Variants in ZMYND11 observed in about 807,000 individuals in gnomAD.
ZMYND11 encodes zinc finger MYND domain-containing protein 11.
In ZMYND11, 9 loss-of-function variants were observed where a neutral mutation model predicts 84.9. That is an observed-to-expected ratio of 0.11 (90% CI 0.06 to 0.18). The LOEUF is 0.18. Among genes scored for constraint, ZMYND11 ranks in the 10% least tolerant of loss-of-function variants. The pLI, the probability that ZMYND11 is intolerant of heterozygous loss-of-function variation, is 1.00. For synonymous variants in ZMYND11, 250 were observed against 244.1 expected, an observed-to-expected ratio of 1.02 and a Z score of -0.23; for missense variants, 409 against 761.0, an observed-to-expected ratio of 0.54 and a Z score of 5.44.
At chr10:187,884 G>A (rs950970604) in intron 2 of ZMYND11, among the ~76,000 whole-genome samples, 1 of 152,224 alleles carries the variant, frequency 6.6e-6, no homozygotes, top group South Asian at 2.1e-4. Flanking sequence ...TGGCCTATCA[G>A]CGAAAACATT....
At chr10:197,324 A>G (rs1312412511) in intron 2 of ZMYND11, among the ~76,000 whole-genome samples, 1 of 152,272 alleles carries the variant, frequency 6.6e-6, no homozygotes, top group African/African-American at 2.4e-5. Flanking sequence ...ATACATACAC[A>G]TGGTATATTT....
chr10:208,786 A>G (rs1944649433), intron 2 of ZMYND11, among the ~76,000 whole-genome samples: 1 of 152,182 alleles, frequency 6.6e-6, no homozygotes, highest in African/African-American at 2.4e-5. Context: ...TGGAGAAGGA[A>G]GAAGGTGGGA....
chr10:182,866 G>A (rs1848170087), intron 2 of ZMYND11, among the ~76,000 whole-genome samples: 1 of 152,122 alleles, frequency 6.6e-6, no homozygotes, highest in East Asian at 1.9e-4. Context: ...ACTCTCGGTA[G>A]GTAAATACTT....
chr10:245,399 A>G (rs1301639650), intron 10 of ZMYND11, among the ~76,000 whole-genome samples: 1 of 152,188 alleles, frequency 6.6e-6, no homozygotes, highest in Non-Finnish European at 1.5e-5. Flanking sequence ...ATTCCCTAAG[A>G]GATTCCTTCC....
chr10:138,778 T>A (rs1836763576), intron 1 of ZMYND11, among the ~76,000 whole-genome samples: 1 of 151,838 alleles, frequency 6.6e-6, no homozygotes, highest in African/African-American at 2.4e-5. Context: ...GAAAATAGAC[T>A]TAGCCTTATG....
chr10:144,866 A>G (rs1427346675), intron 1 of ZMYND11, among the ~76,000 whole-genome samples: 1 of 150,438 alleles, frequency 6.6e-6, no homozygotes, highest in African/African-American at 2.4e-5. Context: ...TGTACATTGT[A>G]CCCAATATTT....
intron 1 of ZMYND11, among the ~76,000 whole-genome samples, chr10:168,175 T>A (rs1844458675): frequency 6.6e-6 from 1 of 152,122 alleles, no homozygotes. Context: ...ATGCAATAAT[T>A]GTATAGGAAT....
chr10:245,561 ACT>A (rs1951953736), intron 10 of ZMYND11, among the ~76,000 whole-genome samples: 2 of 152,134 alleles, frequency 1.3e-5, no homozygotes, highest in African/African-American at 2.4e-5. Flanking sequence ...CGCAACTTGT[ACT>A]CTACCGTAGA....
chr10:197,986 T>A, intron 2 of ZMYND11: 1 of 646,846 alleles, frequency 1.5e-6, no homozygotes, highest in Non-Finnish European at 2.8e-6. Flanking sequence ...TTTCATTAGT[T>A]GTATCATTGT....
At chr10:137,964 C>T (rs577678954) in intron 1 of ZMYND11, among the ~76,000 whole-genome samples, 1 of 152,208 alleles carries the variant, frequency 6.6e-6, no homozygotes, top group South Asian at 2.1e-4. Flanking sequence ...TTTACAGTCT[C>T]TAAATTGGAC....
At chr10:188,889 G>C (rs1018487524) in intron 2 of ZMYND11, among the ~76,000 whole-genome samples, 2 of 152,150 alleles carry the variant, frequency 1.3e-5, no homozygotes, top group African/African-American at 4.8e-5. Context: ...GATTGAGGGA[G>C]GTTGGCTTGT....
chr10:130,804 ATTC>A (rs1419304413), upstream of ZMYND11, among the ~76,000 whole-genome samples: 1 of 152,236 alleles, frequency 6.6e-6, no homozygotes, highest in Non-Finnish European at 1.5e-5. Flanking sequence ...ACTAGTGCAT[ATTC>A]TTCTACATCA....
Position 229,220 on chromosome 10 carries a change from T to C in ZMYND11, c.439-7618T>C, listed in dbSNP as rs149206354. Among the ~76,000 whole-genome samples the C allele has an allele frequency of 3.2e-3, 494 of 152,296 alleles. 5 individuals carry two copies. The highest frequency in any genetic ancestry group is 0.011 in the African/African-American group (448 of 41,558). ...GGCATTCAGTGGCATTTTGTAAATG[T>C]GGATGAACAATTCTTGTGCGTTAGT... On this transcript the variant is annotated intron_variant, in intron 4 of 14. Coordinates refer to ENST00000381604, the MANE Select transcript of ZMYND11 (RefSeq NM_001370100.5).
rs958891152 is a variant in ZMYND11, at chr10:244,629, C to T, written c.951-2137C>T. ...CAGACAAAAAAGAGGTAGAGCACTT[C>T]GGGCTCACTGACATCAGATCACAGA... On this transcript the variant is annotated intron_variant, in intron 10 of 14. Transcript: ENST00000381604. 3.3e-5 allele frequency: 5 copies of T among 152,410 alleles called. No homozygotes were observed. In the East Asian group the frequency reaches 5.8e-4, roughly 18 times the overall value. 9.4% of individuals were successfully genotyped at this position (152,410 alleles called of 1,614,324 possible).
intron 2 of ZMYND11, among the ~76,000 whole-genome samples, chr10:200,350 A>G (rs1942897549): frequency 7.0e-6 from 1 of 143,186 alleles, no homozygotes; most frequent in Non-Finnish European, 1.5e-5. Context: ...ACATATATAC[A>G]TATATGTGTA....
chr10:155,103 A>G lies in ZMYND11; in HGVS notation c.-20+19544A>G, dbSNP rs184764494. Among the ~76,000 whole-genome samples, 1,438 of 152,166 alleles carry G rather than the reference A, an allele frequency of 9.5e-3. 7 individuals are homozygous for G. Among genetic ancestry groups the G allele is most frequent in the Admixed American group, 0.016 (245 of 15,274 alleles). On this transcript the variant is annotated intron_variant, in intron 1 of 14. Coordinates refer to ENST00000381604, the MANE Select transcript of ZMYND11 (RefSeq NM_001370100.5). Reference sequence around the variant, plus strand: ...CTTTGGCTTTTTATTTTATTTGTTTATTTATTTTCAGAAAGCATCTCATAT... The same window carrying G: ...CTTTGGCTTTTTATTTTATTTGTTTGTTTATTTTCAGAAAGCATCTCATAT...
chr10:172,631 C>T (rs1424202213), intron 1 of ZMYND11, among the ~76,000 whole-genome samples: 1 of 152,080 alleles, frequency 6.6e-6, no homozygotes, highest in Admixed American at 6.6e-5. Context: ...ATTCCATGTT[C>T]ATGGATAGGA....
chr10:205,092 A>G (rs992263989), intron 2 of ZMYND11, among the ~76,000 whole-genome samples: 6 of 152,128 alleles, frequency 3.9e-5, no homozygotes, highest in Non-Finnish European at 7.4e-5. Context: ...GAAGTAACTT[A>G]CGAATATGTC....
chr10:159,376 A>G (rs1268978502), intron 1 of ZMYND11, among the ~76,000 whole-genome samples: 3 of 152,052 alleles, frequency 2.0e-5, no homozygotes, highest in African/African-American at 7.2e-5. Context: ...GAGAATCCCT[A>G]TTTCCCTGCA....
Sources: allele counts gnomAD v4.1 joint callset (sites outside exome capture counted in the v4.1 genomes callset), GRCh38; gene constraint gnomAD v4.1.1; transcripts MANE v1.5; gene names NCBI Gene and HGNC (gene_info 2026-07-23, HGNC 2026-07-21).